CLMN: variants seen among roughly 807,000 people sequenced by gnomAD.
CLMN encodes calmin.
In CLMN, 57 loss-of-function variants were observed where a neutral mutation model predicts 92.7. The ratio of observed to expected loss-of-function variants is 0.61; its 90% confidence interval spans 0.50 to 0.77. The LOEUF (loss-of-function observed/expected upper bound fraction) is 0.77, where lower values mean the gene tolerates loss of function less well. Ranked by LOEUF, CLMN falls within the 30% of genes least tolerant of loss-of-function variation. CLMN has a pLI of 0.00. For missense variants in CLMN, 1,158 were observed against 1,237.5 expected (o/e 0.94, Z 0.96); for synonymous variants, 466 against 470.6 (o/e 0.99, Z 0.13).
chr14:95,305,008 G>T (rs12885978), intron 1 of CLMN, among the ~76,000 whole-genome samples: 46,136 of 152,098 alleles, frequency 0.3, 7,229 homozygotes, highest in Admixed American at 0.35. Flanking sequence ...AACTTTTAAA[G>T]AGGGGAAAGC....
intron 2 of CLMN, among the ~76,000 whole-genome samples, chr14:95,225,659 C>T (rs1411216559): frequency 1.3e-5 from 2 of 152,236 alleles, no homozygotes; most frequent in Admixed American, 1.3e-4. Flanking sequence ...TCTCTCTGCC[C>T]CACTCACTCA....
chr14:95,206,890 A>G (rs1595567270), intron 8 of CLMN, among the ~76,000 whole-genome samples: 1 of 152,220 alleles, frequency 6.6e-6, no homozygotes, highest in Non-Finnish European at 1.5e-5. Context: ...GAAAGCCCCA[A>G]TGCCTAGTAT....
At chr14:95,315,126 C>T (rs77241213) in intron 1 of CLMN, among the ~76,000 whole-genome samples, 13 of 151,830 alleles carry the variant, frequency 8.6e-5, no homozygotes, top group South Asian at 2.1e-4. Context: ...AAAGATGGAG[C>T]GATAAGGAAC....
intron 1 of CLMN, among the ~76,000 whole-genome samples, chr14:95,234,976 A>G (rs1898004056): frequency 6.6e-6 from 1 of 152,218 alleles, no homozygotes; most frequent in Admixed American, 6.5e-5. Context: ...GTTGCCCAGG[A>G]GAAAGTCTTC....
At chr14:95,273,124 TCAGCCCTGCAAATTATGATGGAAAG>T (rs1443273755) in intron 1 of CLMN, among the ~76,000 whole-genome samples, 2 of 152,136 alleles carry the variant, frequency 1.3e-5, no homozygotes, top group African/African-American at 4.8e-5. Flanking sequence ...TGAGGATGAG[TCAGCCCTGCAAATTATGATGGAAAG>T]CAGCCCTGCA....
chr14:95,217,468 C>T (rs1255113432), intron 4 of CLMN, among the ~76,000 whole-genome samples: 2 of 152,228 alleles, frequency 1.3e-5, no homozygotes, highest in Admixed American at 6.5e-5. Flanking sequence ...TCAGACAACA[C>T]AGGCTCATCA....
At chr14:95,204,773 C>A (rs1246992978) in intron 8 of CLMN, among the ~76,000 whole-genome samples, 1 of 152,150 alleles carries the variant, frequency 6.6e-6, no homozygotes, top group Admixed American at 6.5e-5. Context: ...TAAAGAAGGA[C>A]AATCCCTTCT....
chr14:95,191,771 G>T lies in CLMN; in HGVS notation c.2841-39C>A, dbSNP rs767896972. On this transcript the variant is annotated intron_variant, in intron 12 of 12. Coordinates refer to ENST00000298912, the MANE Select transcript of CLMN (RefSeq NM_024734.4). This position sits in a 1 kb window ranked among gnomAD's most constrained non-coding sequence, Gnocchi z 5.3. The stretch of plus-strand genomic sequence containing the variant: ...ACAGAGGAAACGCAGTTACCAAGCA[G>T]GTTCCCAGGAAAGTGGACCCCACCC... 2 of 1,565,208 alleles carry T rather than the reference G, an allele frequency of 1.3e-6. No individual in the cohort carries two copies. Among genetic ancestry groups the T allele is most frequent in the East Asian group, 4.5e-5 (2 of 44,280 alleles).
At chr14:95,243,648 A>G (rs1214188755) in intron 1 of CLMN, among the ~76,000 whole-genome samples, 2 of 152,014 alleles carry the variant, frequency 1.3e-5, no homozygotes, top group Non-Finnish European at 2.9e-5. Flanking sequence ...TTAAATAGAA[A>G]TAGGTGAAAA....
Position 95,215,712 on chromosome 14 carries a change from C to A in CLMN, c.346G>T (p.Ala116Ser). The stretch of plus-strand genomic sequence containing the variant: ...GGGTTGCCATCTGCTATTTCTGCTG[C>A]ATCAATGCTAACCAGTTTTACCTGG... ...DSNVKLVSID[A>S]AEIADGNPSL... Residue 116 changes from alanine to serine, a missense_variant, in exon 5 of 13, where the codon GCA becomes TCA. Transcript: ENST00000298912. The A allele has an allele frequency of 6.2e-7, 1 of 1,614,124 alleles. No homozygotes were observed.
chr14:95,234,842 G>A (rs1398765629), intron 1 of CLMN, among the ~76,000 whole-genome samples: 1 of 152,236 alleles, frequency 6.6e-6, no homozygotes, highest in East Asian at 1.9e-4. Context: ...GGAGTTCAGA[G>A]TCACAGAGAA....
intron 2 of CLMN, among the ~76,000 whole-genome samples, chr14:95,226,578 C>T (rs902814067): frequency 6.6e-6 from 1 of 151,980 alleles, no homozygotes; most frequent in Non-Finnish European, 1.5e-5. Context: ...CATTTTTCTT[C>T]TTCTTCTTTT....
chr14:95,276,045 A>C (rs1447556540), intron 1 of CLMN, among the ~76,000 whole-genome samples: 1 of 152,090 alleles, frequency 6.6e-6, no homozygotes. Context: ...AGATCCAAGA[A>C]CTCTCTCTTG....
At chr14:95,221,167 A>T (rs11844495) in intron 4 of CLMN, among the ~76,000 whole-genome samples, 11,457 of 151,880 alleles carry the variant, frequency 0.075, 493 homozygotes, top group African/African-American at 0.1. Context: ...CTCCCTGCTG[A>T]GCCACCCCCT....
rs1349574925 is a variant in CLMN, at chr14:95,256,795, A to C, written c.83-26662T>G. On this transcript the variant is annotated intron_variant, in intron 1 of 12. Transcript: ENST00000298912. This position sits in a 1 kb window ranked among gnomAD's most constrained non-coding sequence, Gnocchi z 4.9. ...GAAAACAGACATGGGGAAACTGGGG[A>C]TGGCAGGAGAAGAGCTGTCAGTGGA... is the stretch of plus-strand genomic sequence containing the variant. Among the ~76,000 whole-genome samples the C allele has an allele frequency of 6.6e-6, 1 of 152,176 alleles. No homozygotes were observed.
chr14:95,225,249 GA>G (rs1304972055), intron 2 of CLMN, among the ~76,000 whole-genome samples: 1 of 151,734 alleles, frequency 6.6e-6, no homozygotes, highest in East Asian at 1.9e-4. Flanking sequence ...GAGCCAACGA[GA>G]AGCAAGGCCG....
intron 1 of CLMN, among the ~76,000 whole-genome samples, chr14:95,295,888 A>G (rs1350254569): frequency 6.6e-6 from 1 of 152,234 alleles, no homozygotes; most frequent in South Asian, 2.1e-4. Context: ...GGCTCCCCCG[A>G]TCACAAGTAG....
In CLMN at chr14:95,191,764, C is replaced by G. The variant is rs752012006; in HGVS notation, c.2841-32G>C. On this transcript the variant is annotated intron_variant, in intron 12 of 12. Transcript: ENST00000298912. The surrounding 1 kb of genome is among the most constrained non-coding windows in gnomAD (Gnocchi z 5.3). Reference sequence around the variant, plus strand: ...AAGAAACACAGAGGAAACGCAGTTACCAAGCAGGTTCCCAGGAAAGTGGAC... The same window carrying G: ...AAGAAACACAGAGGAAACGCAGTTAGCAAGCAGGTTCCCAGGAAAGTGGAC... 1.3e-6 allele frequency: 2 copies of G among 1,575,006 alleles called. No individual in the cohort carries two copies. The highest frequency in any genetic ancestry group is 2.3e-5 in the South Asian group (2 of 85,632).
At position 95,196,699 on chromosome 14, in the gene CLMN, AAGAC is replaced by A. The variant is rs781116161; in HGVS notation, c.2512-9_2512-6del. 5.9e-5 allele frequency: 95 copies of A among 1,611,124 alleles called. No homozygotes were observed. The highest frequency in any genetic ancestry group is 7.8e-5 in the Non-Finnish European group (92 of 1,178,850). On this transcript the variant is annotated splice_region_variant and splice_polypyrimidine_tract_variant and intron_variant, in intron 9 of 12. Coordinates refer to ENST00000298912, the MANE Select transcript of CLMN (RefSeq NM_024734.4). ...CAGGTTTGGGGATTCCTGGGACTGA[AAGAC>A]AGAACAACCAAATCCAAGTCAGTAT...
Sources: allele counts gnomAD v4.1 joint callset (sites outside exome capture counted in the v4.1 genomes callset), GRCh38; gene constraint gnomAD v4.1.1; non-coding constraint Gnocchi (gnomAD v3.1); transcripts MANE v1.5; gene names NCBI Gene and HGNC (gene_info 2026-07-23, HGNC 2026-07-21).